The following ALDH2 variants were observed in gnomAD, a reference collection of about 807,000 sequenced individuals.
The protein encoded by ALDH2 is aldehyde dehydrogenase 2 family member.
Under a neutral mutation model 59.6 loss-of-function variants are expected in ALDH2, and 44 were observed. The ratio of observed to expected loss-of-function variants is 0.74; its 90% CI spans 0.58 to 0.95. The LOEUF is 0.95. ALDH2 is among the 40% of genes least tolerant of loss of function. The pLI is 0.00. For missense variants in ALDH2, 570 were observed against 696.3 expected, an observed-to-expected ratio of 0.82 and a Z score of 2.04; for synonymous variants, 291 against 284.0, an observed-to-expected ratio of 1.02 and a Z score of -0.25.
At chr12:111,801,190 C>G (rs554543781) in intron 11 of ALDH2, among the ~76,000 whole-genome samples, 1 of 152,126 alleles carries the variant, frequency 6.6e-6, no homozygotes, top group African/African-American at 2.4e-5. Flanking sequence ...CAGGGAAACT[C>G]CCCTTTATAA....
Position 111,792,711 on chromosome 12 carries a change from C to T in ALDH2, c.1012C>T (p.Arg338Trp), listed in dbSNP as rs202226446. 2.3e-4 allele frequency: 370 copies of T among 1,591,642 alleles called. 7 individuals carry two copies. The highest frequency in any genetic ancestry group is 1.7e-4 in the Middle Eastern group (1 of 6,034). Residue 338 changes from arginine to tryptophan, a missense_variant, in exon 9 of 13, where the codon CGG (arginine) becomes TGG (tryptophan). Physicochemically the swap from Arg to Trp is moderately radical, Grantham distance 101 (BLOSUM62 -3). Coordinates refer to ENST00000261733, the MANE Select transcript of ALDH2 (RefSeq NM_000690.4). ...GGACATCTATGATGAGTTTGTGGAG[C>T]GGAGCGTTGCCCGGGCCAAGTCTCG... ...QEDIYDEFVERSVARAKSRVV... is the reference protein window; with the variant it reads ...QEDIYDEFVEWSVARAKSRVV...
chr12:111,806,319 GAA>G (rs946624016), intron 12 of ALDH2, among the ~76,000 whole-genome samples: 2 of 128,010 alleles, frequency 1.6e-5, no homozygotes, highest in Admixed American at 7.8e-5. Context: ...TCCGTCTCAG[GAA>G]AAAAAAAAAA....
intron 2 of ALDH2, among the ~76,000 whole-genome samples, chr12:111,782,956 A>T (rs2068283370): frequency 6.6e-6 from 1 of 152,042 alleles, no homozygotes; most frequent in Non-Finnish European, 1.5e-5. Context: ...TCATGAAAGG[A>T]GGGGAAGGTC....
At chr12:111,792,374 G>T (rs1215253927) in intron 8 of ALDH2, among the ~76,000 whole-genome samples, 1 of 152,214 alleles carries the variant, frequency 6.6e-6, no homozygotes, top group African/African-American at 2.4e-5. Context: ...ATCAGGCTAG[G>T]CCACGCCCCT....
chr12:111,797,971 C>T, intron 9 of ALDH2, 107 bp from the exon 10 acceptor site: 1 of 1,355,896 alleles, frequency 7.4e-7, no homozygotes. Flanking sequence ...TTTCTTATGA[C>T]CTTGGTCCAT....
rs2068536966 is a variant in ALDH2 at position 111,811,635 on chromosome 12, G to A, written c.*2060G>A. ...ATTACAGGTGTGCGCCACCATGCCTGGCTAATTTTTGTATTTTTAGTAGAG... is the reference window on the plus strand; with the variant it reads ...ATTACAGGTGTGCGCCACCATGCCTAGCTAATTTTTGTATTTTTAGTAGAG... On this transcript the variant is annotated 3_prime_UTR_variant, in exon 13 of 13. Transcript: ENST00000261733. The A allele has an allele frequency of 6.6e-6, 1 of 152,126 alleles. No individual in the cohort carries two copies. Among genetic ancestry groups the A allele is most frequent in the Non-Finnish European group, 1.5e-5 (1 of 68,158 alleles). The allele number at this position is 152,126 out of a possible 1,614,324, so 9.4% of individuals were successfully genotyped here.
intron 5 of ALDH2, 24 bp downstream of exon 5, chr12:111,789,958 T>A (rs758715136): frequency 3.1e-6 from 5 of 1,599,418 alleles, no homozygotes; most frequent in Non-Finnish European, 3.4e-6. Flanking sequence ...CCCTGGAGTT[T>A]CTTCAGGGTG....
chr12:111,790,371 C>T, intron 5 of ALDH2, 63 bp from the exon 6 acceptor site: 1 of 1,607,754 alleles, frequency 6.2e-7, no homozygotes, highest in Non-Finnish European at 8.5e-7. Context: ...TTGCCACCTT[C>T]TGCTACCCAG....
rs757563141 is a variant in ALDH2 at position 111,792,813 on chromosome 12, G to T, written c.1083+31G>T. 8.5e-6 allele frequency: 13 copies of T among 1,533,676 alleles called. No individual in the cohort carries two copies. The South Asian group carries it at 1.6e-4, about 18-fold the overall frequency. On this transcript the variant is annotated intron_variant, in intron 9 of 12. Coordinates refer to ENST00000261733, the MANE Select transcript of ALDH2 (RefSeq NM_000690.4). ...CCAGGCAGTGCCGCAGGGTCTGGGT[G>T]TCTAGAGCCAGCATGAGAAGCAGAG... is the stretch of plus-strand genomic sequence containing the variant.
In ALDH2 at chr12:111,789,348, T is replaced by C. The variant is rs563930940; in HGVS notation, c.441-475T>C. On this transcript the variant is annotated intron_variant, in intron 4 of 12. Transcript: ENST00000261733. The stretch of plus-strand genomic sequence containing the variant: ...TGTTTCTTAAAAAAAACAAAGAAGG[T>C]CAGGCATGGTGGCAGGTGCCTGTAA... 2.7e-3 allele frequency among the ~76,000 whole-genome samples: 412 copies of C among 151,014 alleles called. 2 individuals carry two copies. Among genetic ancestry groups the C allele is most frequent in the African/African-American group, 9.6e-3 (396 of 41,210 alleles).
chr12:111,772,372 T>C (rs548244972), intron 1 of ALDH2, among the ~76,000 whole-genome samples: 13 of 152,186 alleles, frequency 8.5e-5, no homozygotes, highest in African/African-American at 3.1e-4. Flanking sequence ...TTTGTTTTTG[T>C]TTTTGTTTTT....
chr12:111,803,881 G>C lies in ALDH2; in HGVS notation c.1429G>C (p.Gly477Arg). 3 of 1,612,990 alleles carry C rather than the reference G, an allele frequency of 1.9e-6. No homozygotes were observed. The highest frequency in any genetic ancestry group is 2.5e-6 in the Non-Finnish European group (3 of 1,179,468). The change falls in exon 12 of 13, where the codon GGA (glycine) becomes CGA (arginine). Residue 477 changes from glycine to arginine, a missense_variant. Coordinates refer to ENST00000261733, the MANE Select transcript of ALDH2 (RefSeq NM_000690.4). ...CAGGGTCAACTGCTATGATGTGTTT[G>C]GAGCCCAGTCACCCTTTGGTGGCTA... The part of the protein sequence containing the change: ...TVWVNCYDVF[G>R]AQSPFGGYKM...
At chr12:111,797,836 T>G (rs1690619873) in intron 9 of ALDH2, among the ~76,000 whole-genome samples, 1 of 152,156 alleles carries the variant, frequency 6.6e-6, no homozygotes, top group Admixed American at 6.6e-5. Flanking sequence ...TCCTAAACTT[T>G]TTGGTAATCT....
chr12:111,768,885 G>C (rs377284801), intron 1 of ALDH2, among the ~76,000 whole-genome samples: 2 of 152,340 alleles, frequency 1.3e-5, no homozygotes, highest in East Asian at 3.9e-4. Flanking sequence ...ATGGGAGGCC[G>C]AGGTGGGAGG....
chr12:111,798,888 A>G (rs996448507), intron 10 of ALDH2, among the ~76,000 whole-genome samples: 4 of 151,806 alleles, frequency 2.6e-5, no homozygotes, highest in Non-Finnish European at 5.9e-5. Context: ...GCTTGCTTGA[A>G]ATCCCAGCTA....
chr12:111,810,467 T>C lies in ALDH2; in HGVS notation c.*892T>C, dbSNP rs2068527884. 1 of 152,182 alleles carries C rather than the reference T, an allele frequency of 6.6e-6. No individual in the cohort carries two copies. Among genetic ancestry groups the C allele is most frequent in the Admixed American group, 6.6e-5 (1 of 15,264 alleles). The allele number at this position is 152,182 out of a possible 1,614,324, so 9.4% of individuals were successfully genotyped here. A position where few individuals can be genotyped will look rare whatever the true frequency, so the allele number is the denominator to read the frequency against. On this transcript the variant is annotated 3_prime_UTR_variant, in exon 13 of 13. Transcript: ENST00000261733. Reference sequence around the variant, plus strand: ...ACACCAATAAGAATGTGCTTGAATGTTTCATGCATTTAATTTGTTTCATGC... The same window carrying C: ...ACACCAATAAGAATGTGCTTGAATGCTTCATGCATTTAATTTGTTTCATGC...
In ALDH2 at chr12:111,767,592, A is replaced by T. The variant is rs562165815; in HGVS notation, c.114+496A>T. Among the ~76,000 whole-genome samples the T allele has an allele frequency of 3.9e-5, 6 of 152,316 alleles. No individual in the cohort carries two copies. In the East Asian group the frequency reaches 9.6e-4, roughly 24 times the overall value. ...TCTCCAGTTCACCATGGGCGAGGCC[A>T]CGCTCGGCTGCTTCCATTGCTGGGA... On this transcript the variant is annotated intron_variant, in intron 1 of 12. Transcript: ENST00000261733.
chr12:111,796,958 T>C (rs2068409763), intron 9 of ALDH2, among the ~76,000 whole-genome samples: 2 of 151,944 alleles, frequency 1.3e-5, no homozygotes, highest in South Asian at 4.2e-4. Context: ...TCTACAAGCT[T>C]TACTTCTTTT....
intron 11 of ALDH2, among the ~76,000 whole-genome samples, chr12:111,801,394 C>T (rs931218501): frequency 1.3e-5 from 2 of 152,092 alleles, no homozygotes; most frequent in African/African-American, 4.8e-5. Context: ...TTGAACATAA[C>T]ATTGAGTGAA....
Sources: allele counts gnomAD v4.1 joint callset (sites outside exome capture counted in the v4.1 genomes callset), GRCh38; gene constraint gnomAD v4.1.1; transcripts MANE v1.5; gene names NCBI Gene and HGNC (gene_info 2026-07-23, HGNC 2026-07-21).